The following SFSWAP variants were observed in gnomAD, a reference collection of about 807,000 sequenced individuals.
SFSWAP encodes the protein splicing factor, suppressor of white-apricot homolog.
SFSWAP carries 17 observed loss-of-function variants against 100.7 expected under a neutral mutation model. The observed-to-expected ratio is 0.17, with a 90% CI of 0.12 to 0.25. SFSWAP has a LOEUF of 0.25. Among genes scored for constraint, SFSWAP ranks in the 10% least tolerant of loss-of-function variants. The pLI is 1.00. For missense variants in SFSWAP, 1,005 were observed against 1,262.6 expected, an observed-to-expected ratio of 0.80 and a Z score of 3.09; for synonymous variants, 504 against 510.1, an observed-to-expected ratio of 0.99 and a Z score of 0.16.
rs1185022391 is a variant in SFSWAP, at chr12:131,711,406, C to T, written c.177C>T (p.His59=). The change falls in exon 1 of 18, where the codon CAC becomes CAT. Residue 59 remains histidine (H), a synonymous_variant. Transcript: ENST00000261674. This position sits in a 1 kb window ranked among gnomAD's most constrained non-coding sequence, Gnocchi z 4.9. ...ERALAQEQGQ[H]LIPWMGDHKI... ...CCCTGGCTCAGGAACAGGGACAGCA[C>T]CTCATCCCCTGGATGGGGGACCACA... 5 of 1,613,788 alleles carry T rather than the reference C, an allele frequency of 3.1e-6. No individual in the cohort carries two copies. The highest frequency in any genetic ancestry group is 2.2e-5 in the South Asian group (2 of 91,082).
chr12:131,778,394 C>G lies in SFSWAP; in HGVS notation c.2408+64C>G. 6.4e-7 allele frequency: 1 copy of G among 1,568,500 alleles called. No homozygotes were observed. Among genetic ancestry groups the G allele is most frequent in the Non-Finnish European group, 8.6e-7 (1 of 1,159,572 alleles). On this transcript the variant is annotated intron_variant, in intron 14 of 17. Coordinates refer to ENST00000261674, the MANE Select transcript of SFSWAP (RefSeq NM_004592.4). This position sits in a 1 kb window ranked among gnomAD's most constrained non-coding sequence, Gnocchi z 4.2. Reference sequence around the variant, plus strand: ...ACCCCCATGTCCTTCACAGGACACCCAGTAGAGCTAGGTAGAACGTTTAAA... The same window carrying G: ...ACCCCCATGTCCTTCACAGGACACCGAGTAGAGCTAGGTAGAACGTTTAAA...
At chr12:131,756,370 CAAT>C in intron 10 of SFSWAP, 100 bp from the exon 11 acceptor site, 3 of 989,682 alleles carry the variant, frequency 3.0e-6, no homozygotes, top group Non-Finnish European at 4.6e-6. Context: ...CAGTAATGTA[CAAT>C]TGCCGTTGTC....
rs12425765 is a variant in SFSWAP, at chr12:131,774,959, G to A, written c.2143-3106G>A. ...GTTTGGAGGCTCAAATCATTAAGTT[G>A]GCAGTAGAAATATGAATAGAAACTC... On this transcript the variant is annotated intron_variant, in intron 13 of 17. Coordinates refer to ENST00000261674, the MANE Select transcript of SFSWAP (RefSeq NM_004592.4). Among the ~76,000 whole-genome samples the A allele has an allele frequency of 6.8e-3, 1,030 of 152,242 alleles. 43 individuals carry two copies. Among genetic ancestry groups the A allele is most frequent in the Admixed American group, 0.061 (939 of 15,284 alleles).
At chr12:131,758,804 G>A (rs1310460814) in intron 11 of SFSWAP, among the ~76,000 whole-genome samples, 4 of 152,154 alleles carry the variant, frequency 2.6e-5, no homozygotes, top group African/African-American at 4.8e-5. Context: ...AAATGTAGCC[G>A]GGCATGGTGG....
At chr12:131,744,820 C>T (rs568700570) in intron 7 of SFSWAP, among the ~76,000 whole-genome samples, 1 of 152,284 alleles carries the variant, frequency 6.6e-6, no homozygotes, top group South Asian at 2.1e-4. Flanking sequence ...GCTGGGGAGG[C>T]CTCACAATCA....
At position 131,714,177 on chromosome 12, in the gene SFSWAP, C is replaced by T; in HGVS notation, c.325C>T (p.Leu109=). Residue 109 remains leucine, a synonymous_variant, in exon 2 of 18, where the codon CTG becomes TTG. Coordinates refer to ENST00000261674, the MANE Select transcript of SFSWAP (RefSeq NM_004592.4). The surrounding 1 kb of genome is among the most constrained non-coding windows in gnomAD (Gnocchi z 6.0). ...LSEEEARIEA[L]CDEERYLALH... Reference sequence around the variant, plus strand: ...TGAAGAGGAGGCGCGAATAGAGGCCCTGTGTGATGAAGAGAGGTATTTAGC... The same window carrying T: ...TGAAGAGGAGGCGCGAATAGAGGCCTTGTGTGATGAAGAGAGGTATTTAGC... The T allele has an allele frequency of 6.2e-7, 1 of 1,613,966 alleles. No individual in the cohort carries two copies. The highest frequency in any genetic ancestry group is 8.5e-7 in the Non-Finnish European group (1 of 1,179,910).
rs766060193 is a variant in SFSWAP at position 131,725,644 on chromosome 12, C to T, written c.832+14C>T. 6.3e-7 allele frequency: 1 copy of T among 1,586,748 alleles called. No individual in the cohort carries two copies. Among genetic ancestry groups the T allele is most frequent in the Non-Finnish European group, 8.6e-7 (1 of 1,160,258 alleles). The stretch of plus-strand genomic sequence containing the variant: ...ACGAGAAAAAAAGTAGGTCCCACTG[C>T]GTCTGTTCCGTCCAGACTTTGGGCC... On this transcript the variant is annotated intron_variant, in intron 5 of 17. Transcript: ENST00000261674. The surrounding 1 kb of genome is among the most constrained non-coding windows in gnomAD (Gnocchi z 4.3).
intron 13 of SFSWAP, among the ~76,000 whole-genome samples, chr12:131,767,220 G>A (rs1883188809): frequency 1.3e-5 from 2 of 152,246 alleles, no homozygotes; most frequent in Admixed American, 1.3e-4. Flanking sequence ...TCCGAGACCA[G>A]AGGCCTTCAG....
At chr12:131,799,363 A>G (rs1052556345) in intron 17 of SFSWAP, 60 bp from the exon 18 acceptor site, 1 of 1,524,138 alleles carries the variant, frequency 6.6e-7, no homozygotes, top group African/African-American at 1.4e-5. Context: ...GAATTTCTTC[A>G]CCACGTGGGT....
rs574625136 is a variant in SFSWAP, at chr12:131,789,156, A to G, written c.2534+2568A>G. Reference sequence around the variant, plus strand: ...GAACCATGCCCAGCTAATTTTTTGTATTTTTAGTAGAGACAGGGTTTTGCC... The same window carrying G: ...GAACCATGCCCAGCTAATTTTTTGTGTTTTTAGTAGAGACAGGGTTTTGCC... On this transcript the variant is annotated intron_variant, in intron 15 of 17. Coordinates refer to ENST00000261674, the MANE Select transcript of SFSWAP (RefSeq NM_004592.4). Among the ~76,000 whole-genome samples the G allele has an allele frequency of 6.7e-3, 1,021 of 151,950 alleles. 15 individuals carry two copies. Among genetic ancestry groups the G allele is most frequent in the African/African-American group, 0.023 (972 of 41,438 alleles).
intron 4 of SFSWAP, among the ~76,000 whole-genome samples, chr12:131,723,582 C>A (rs1406509741): frequency 6.6e-6 from 1 of 152,180 alleles, no homozygotes; most frequent in Non-Finnish European, 1.5e-5. Context: ...TCTCCCCTAA[C>A]CCCGTGAGGA....
chr12:131,743,787 C>T (rs1038981337), intron 7 of SFSWAP, among the ~76,000 whole-genome samples: 13 of 152,250 alleles, frequency 8.5e-5, no homozygotes, highest in African/African-American at 1.9e-4. Flanking sequence ...CAAAGGTTCT[C>T]GATGAGGGCC....
intron 14 of SFSWAP, 107 bp from the exon 15 acceptor site, chr12:131,786,356 G>A: frequency 2.2e-6 from 3 of 1,388,942 alleles, no homozygotes; most frequent in Admixed American, 2.4e-5. Flanking sequence ...ACCACCCTGA[G>A]GAGCAGCCTC....
At chr12:131,713,751 A>G (rs1877616501) in intron 1 of SFSWAP, 1 of 191,038 alleles carries the variant, frequency 5.2e-6, no homozygotes, top group Non-Finnish European at 1.1e-5. Flanking sequence ...TGGTTGACCA[A>G]ACCATAATGG....
At chr12:131,731,695 T>G (rs567769978) in intron 7 of SFSWAP, among the ~76,000 whole-genome samples, 1 of 152,272 alleles carries the variant, frequency 6.6e-6, no homozygotes, top group East Asian at 1.9e-4. Flanking sequence ...AAGTTCAAGA[T>G]AATATTGTTA....
rs552902142 is a variant in SFSWAP at position 131,714,761 on chromosome 12, A to G, written c.389-61A>G. The G allele has an allele frequency of 2.0e-6, 3 of 1,469,790 alleles. No individual in the cohort carries two copies. Among genetic ancestry groups the G allele is most frequent in the African/African-American group, 1.4e-5 (1 of 70,914 alleles). 91.0% of individuals were successfully genotyped at this position (1,469,790 alleles called of 1,614,324 possible). On this transcript the variant is annotated intron_variant, in intron 2 of 17. Coordinates refer to ENST00000261674, the MANE Select transcript of SFSWAP (RefSeq NM_004592.4). This position sits in a 1 kb window ranked among gnomAD's most constrained non-coding sequence, Gnocchi z 6.0. ...TACTGATAGCTACAACTTTAGAAAT[A>G]TATAAAGTTTTTCTCAGTAATTTTC...
At chr12:131,760,221 G>T (rs1444182717) in intron 11 of SFSWAP, among the ~76,000 whole-genome samples, 1 of 152,136 alleles carries the variant, frequency 6.6e-6, no homozygotes, top group African/African-American at 2.4e-5. Context: ...TAGGTCTAAT[G>T]GGGGCATGGC....
chr12:131,714,947 C>G lies in SFSWAP; in HGVS notation c.514C>G (p.Gln172Glu). 6.2e-7 allele frequency: 1 copy of G among 1,613,908 alleles called. No homozygotes were observed. Among genetic ancestry groups the G allele is most frequent in the Non-Finnish European group, 8.5e-7 (1 of 1,179,990 alleles). Residue 172 changes from glutamine to glutamate, a missense_variant, in exon 3 of 18, where the codon CAG becomes GAG. Physicochemically the swap from Gln to Glu is conservative, Grantham distance 29 (BLOSUM62 2). Coordinates refer to ENST00000261674, the MANE Select transcript of SFSWAP (RefSeq NM_004592.4). The surrounding 1 kb of genome is among the most constrained non-coding windows in gnomAD (Gnocchi z 6.0). ...EPTEEEEPSK[Q>E]REKNEAENLE... ...GACGGAGGAGGAGGAGCCTTCCAAACAGAGAGGTGAGTGGGGAGCTGCCTG... is the reference window on the plus strand; with the variant it reads ...GACGGAGGAGGAGGAGCCTTCCAAAGAGAGAGGTGAGTGGGGAGCTGCCTG...
intron 12 of SFSWAP, among the ~76,000 whole-genome samples, chr12:131,764,945 A>G (rs1199753322): frequency 2.0e-5 from 3 of 152,232 alleles, no homozygotes; most frequent in Non-Finnish European, 2.9e-5. Context: ...CTTAGCTCTA[A>G]TGCGCCACAG....
Sources: gnomAD v4.1 joint callset for allele counts (sites outside exome capture counted in the v4.1 genomes callset) on GRCh38, gnomAD v4.1.1 for gene constraint, Gnocchi (gnomAD v3.1) non-coding constraint, MANE v1.5 for transcripts, NCBI Gene and HGNC (gene_info 2026-07-23, HGNC 2026-07-21) for gene names.